Variants in RSPO2 observed in about 807,000 individuals in gnomAD.
The protein encoded by RSPO2 is R-spondin-2.
RSPO2 carries 14 observed loss-of-function variants against 30.9 expected under a neutral mutation model. The ratio of observed to expected loss-of-function variants is 0.45; its 90% CI spans 0.30 to 0.71. RSPO2 has a LOEUF of 0.71. Among genes scored for constraint, RSPO2 ranks in the 30% least tolerant of loss-of-function variants. The pLI, the probability that RSPO2 is intolerant of heterozygous loss-of-function variation, is 0.08. For missense variants in RSPO2, 264 were observed against 301.9 expected, an observed-to-expected ratio of 0.87 and a Z score of 0.93; for synonymous variants, 107 against 96.4, an observed-to-expected ratio of 1.11 and a Z score of -0.64.
intron 5 of RSPO2, among the ~76,000 whole-genome samples, chr8:107,914,730 T>G (rs1811928089): frequency 6.6e-6 from 1 of 152,170 alleles, no homozygotes; most frequent in Non-Finnish European, 1.5e-5. Flanking sequence ...AAGACACTTC[T>G]GGAAATTCCT....
At chr8:108,020,455 G>A (rs915456434) in intron 2 of RSPO2, among the ~76,000 whole-genome samples, 1 of 152,078 alleles carries the variant, frequency 6.6e-6, no homozygotes, top group African/African-American at 2.4e-5. Context: ...ACTACCTAAA[G>A]AACAAAGTCT....
intron 2 of RSPO2, among the ~76,000 whole-genome samples, chr8:107,993,897 T>C (rs1814930027): frequency 6.6e-6 from 1 of 152,138 alleles, no homozygotes; most frequent in Non-Finnish European, 1.5e-5. Context: ...TTTCTGTCTC[T>C]TACATTGACA....
intron 3 of RSPO2, 36 bp from the exon 4 acceptor site, chr8:107,960,853 A>T (rs767632241): frequency 6.8e-7 from 1 of 1,480,020 alleles, no homozygotes. Context: ...AGAAAATTTC[A>T]GTCAAAGAAA....
intron 2 of RSPO2, among the ~76,000 whole-genome samples, chr8:108,060,462 G>A (rs894138994): frequency 4.0e-5 from 6 of 151,638 alleles, no homozygotes; most frequent in Admixed American, 2.6e-4. Flanking sequence ...ATGAAATGAA[G>A]CGAGAAGAGA....
chr8:107,926,117 T>C (rs1012209655), intron 5 of RSPO2, among the ~76,000 whole-genome samples: 1 of 152,186 alleles, frequency 6.6e-6, no homozygotes, highest in African/African-American at 2.4e-5. Flanking sequence ...TGAGATGGTA[T>C]CTCATTGTGG....
chr8:107,963,859 C>G (rs1245570177), intron 3 of RSPO2, among the ~76,000 whole-genome samples: 1 of 152,082 alleles, frequency 6.6e-6, no homozygotes, highest in Non-Finnish European at 1.5e-5. Context: ...CAATCTAAAA[C>G]TTTTTCATAT....
chr8:108,045,871 C>T (rs557444297), intron 2 of RSPO2, among the ~76,000 whole-genome samples: 1 of 152,182 alleles, frequency 6.6e-6, no homozygotes, highest in Non-Finnish European at 1.5e-5. Flanking sequence ...ATATCTCCAA[C>T]CACCTATATG....
intron 3 of RSPO2, among the ~76,000 whole-genome samples, chr8:107,964,189 C>T (rs1335494187): frequency 1.3e-5 from 2 of 152,208 alleles, no homozygotes; most frequent in African/African-American, 4.8e-5. Context: ...CAGAGCTCAT[C>T]TGCTCACAAA....
intron 5 of RSPO2, among the ~76,000 whole-genome samples, chr8:107,916,398 A>T (rs2348088): frequency 0.088 from 13,380 of 152,222 alleles, 758 homozygotes; most frequent in South Asian, 0.16. Context: ...CTGATGGCCT[A>T]GACTCCACAC....
chr8:107,931,892 G>T (rs77361533), intron 5 of RSPO2, among the ~76,000 whole-genome samples: 1 of 152,064 alleles, frequency 6.6e-6, no homozygotes, highest in African/African-American at 2.4e-5. Flanking sequence ...ATTATACATT[G>T]GCATGTGCAT....
intron 3 of RSPO2, among the ~76,000 whole-genome samples, chr8:107,971,548 A>G (rs1295571642): frequency 1.3e-5 from 2 of 152,324 alleles, no homozygotes; most frequent in African/African-American, 4.8e-5. Flanking sequence ...ACTGTGGACC[A>G]GTACATTAAA....
intron 3 of RSPO2, chr8:107,983,460 T>C (rs1433824448): frequency 3.8e-6 from 6 of 1,598,218 alleles, no homozygotes; most frequent in Non-Finnish European, 3.4e-6. Context: ...AGAGTCCCCT[T>C]TCTCAGAAGT....
At chr8:107,953,445 C>A (rs767756319) in intron 5 of RSPO2, among the ~76,000 whole-genome samples, 1 of 152,140 alleles carries the variant, frequency 6.6e-6, no homozygotes, top group Non-Finnish European at 1.5e-5. Flanking sequence ...TATGCAATGA[C>A]CATTGGGATA....
intron 2 of RSPO2, among the ~76,000 whole-genome samples, chr8:108,014,025 G>C (rs1416077709): frequency 6.6e-6 from 1 of 152,120 alleles, no homozygotes; most frequent in Non-Finnish European, 1.5e-5. Context: ...ATCAAAAAGT[G>C]GATGAAGAAT....
rs139171973 is a variant in RSPO2 at position 107,924,066 on chromosome 8, T to C, written c.617-22876A>G. Among the ~76,000 whole-genome samples, 1,455 of 150,512 alleles carry C rather than the reference T, an allele frequency of 9.7e-3. 25 individuals carry two copies. Among genetic ancestry groups the C allele is most frequent in the African/African-American group, 0.033 (1,351 of 41,230 alleles). On this transcript the variant is annotated intron_variant, in intron 5 of 5. Transcript: ENST00000276659. ...ACACAAGTTTACCCATATAACAAAG[T>C]TGCACGTGTACCCCTGAACATACAA... is the stretch of plus-strand genomic sequence containing the variant.
At chr8:107,998,398 C>T (rs78035051) in intron 2 of RSPO2, among the ~76,000 whole-genome samples, 4,564 of 152,078 alleles carry the variant, frequency 0.03, 260 homozygotes, top group African/African-American at 0.11. Context: ...AAGCAATCAA[C>T]GTAATGAATT....
intron 5 of RSPO2, among the ~76,000 whole-genome samples, chr8:107,923,782 T>G (rs944362438): frequency 3.6e-5 from 5 of 140,026 alleles, no homozygotes; most frequent in African/African-American, 9.9e-5. Context: ...CAAGAGCATG[T>G]CCTTTGCAAG....
chr8:107,940,083 C>T (rs1812847847), intron 5 of RSPO2, among the ~76,000 whole-genome samples: 1 of 152,038 alleles, frequency 6.6e-6, no homozygotes, highest in African/African-American at 2.4e-5. Context: ...ATTTCACCAA[C>T]CAACAACTTG....
At chr8:107,938,501 T>C (rs1203656847) in intron 5 of RSPO2, among the ~76,000 whole-genome samples, 1 of 152,058 alleles carries the variant, frequency 6.6e-6, no homozygotes, top group Non-Finnish European at 1.5e-5. Flanking sequence ...ATAAATACAA[T>C]AAAACAGACT....
Sources: gnomAD v4.1 joint callset for allele counts (sites outside exome capture counted in the v4.1 genomes callset) on GRCh38, gnomAD v4.1.1 for gene constraint, MANE v1.5 for transcripts, NCBI Gene and HGNC (gene_info 2026-07-23, HGNC 2026-07-21) for gene names.